MARCHF1: variants seen among roughly 807,000 people sequenced by gnomAD.
MARCHF1 encodes E3 ubiquitin-protein ligase MARCHF1.
MARCHF1 carries 40 observed loss-of-function variants against 54.2 expected under a neutral mutation model. The observed-to-expected ratio is 0.74, with a 90% CI of 0.57 to 0.96. The LOEUF (loss-of-function observed/expected upper bound fraction) is 0.96, where lower values mean the gene tolerates loss of function less well. MARCHF1 is among the 40% of genes least tolerant of loss of function. The pLI is 0.00. For synonymous variants in MARCHF1, 236 were observed against 236.3 expected (o/e 1.00, Z 0.01); for missense variants, 586 against 656.5 (o/e 0.89, Z 1.17).
intron 1 of MARCHF1, chr4:164,197,289 G>T (rs774334691): frequency 6.2e-7 from 1 of 1,611,668 alleles, no homozygotes; most frequent in Admixed American, 1.7e-5. Context: ...AACAGCTGTC[G>T]AGATATGTGA....
At chr4:163,736,951 T>A (rs1439049788) in intron 4 of MARCHF1, among the ~76,000 whole-genome samples, 1 of 152,094 alleles carries the variant, frequency 6.6e-6, no homozygotes, top group Non-Finnish European at 1.5e-5. Flanking sequence ...CTAATAAATT[T>A]ATGATGGCCC....
intron 5 of MARCHF1, among the ~76,000 whole-genome samples, chr4:163,697,743 CTA>C (rs1201968631): frequency 2.6e-5 from 4 of 152,172 alleles, no homozygotes; most frequent in South Asian, 4.2e-4. Context: ...ATGAGTAATA[CTA>C]TTACTGACAT....
intron 4 of MARCHF1, among the ~76,000 whole-genome samples, chr4:163,813,703 C>T (rs554733645): frequency 6.6e-6 from 1 of 152,222 alleles, no homozygotes; most frequent in South Asian, 2.1e-4. Context: ...AAATACTATA[C>T]ATCCTAGACA....
chr4:164,150,943 G>T (rs1200243808), intron 1 of MARCHF1, among the ~76,000 whole-genome samples: 1 of 152,160 alleles, frequency 6.6e-6, no homozygotes, highest in Non-Finnish European at 1.5e-5. Flanking sequence ...ATGGGAATAG[G>T]AGGGCAAAAG....
At chr4:163,559,235 C>A (rs1158616245) in intron 8 of MARCHF1, among the ~76,000 whole-genome samples, 1 of 151,236 alleles carries the variant, frequency 6.6e-6, no homozygotes, top group Non-Finnish European at 1.5e-5. Context: ...TTCATAATCT[C>A]ATTTGCAATG....
At chr4:164,359,267 G>C (rs376825174) in intron 1 of MARCHF1, among the ~76,000 whole-genome samples, 14 of 152,280 alleles carry the variant, frequency 9.2e-5, no homozygotes, top group African/African-American at 1.9e-4. Flanking sequence ...ATTCATGAAA[G>C]AATGTTTGGG....
chr4:163,754,733 T>G (rs1204447151), intron 4 of MARCHF1, among the ~76,000 whole-genome samples: 1 of 152,206 alleles, frequency 6.6e-6, no homozygotes, highest in Non-Finnish European at 1.5e-5. Context: ...AGACTCTTTT[T>G]TTTTTAGATA....
At chr4:164,206,736 A>T (rs930057749) in intron 1 of MARCHF1, among the ~76,000 whole-genome samples, 2 of 152,088 alleles carry the variant, frequency 1.3e-5, no homozygotes, top group Non-Finnish European at 2.9e-5. Flanking sequence ...AAGACTATAA[A>T]CCTAACTTTG....
intron 1 of MARCHF1, chr4:164,190,447 G>A (rs764762451): frequency 1.3e-5 from 5 of 398,226 alleles, no homozygotes; most frequent in South Asian, 5.8e-5. Flanking sequence ...TCACCTCAGA[G>A]TGGAGTTGAA....
In MARCHF1 at chr4:164,313,348, C is replaced by CAA. The variant is rs553280791; in HGVS notation, c.-323+70520_-323+70521dup. 6.9e-3 allele frequency among the ~76,000 whole-genome samples: 553 copies of CAA among 80,208 alleles called. 13 individuals are homozygous for CAA. Among genetic ancestry groups the CAA allele is most frequent in the African/African-American group, 0.023 (496 of 21,262 alleles). 52.6% of individuals were successfully genotyped at this position (80,208 alleles called of 152,430 possible). On this transcript the variant is annotated intron_variant, in intron 1 of 9. Coordinates refer to ENST00000514618, the MANE Select transcript of MARCHF1 (RefSeq NM_001394959.1). ...TGGGTGGCAGAGCAAGACTCTGTCT[C>CAA]AAAAAAAAAAAAAAAAAAAGTGTAG...
At chr4:164,084,408 A>G (rs1319387108) in intron 2 of MARCHF1, among the ~76,000 whole-genome samples, 1 of 151,920 alleles carries the variant, frequency 6.6e-6, no homozygotes, top group Non-Finnish European at 1.5e-5. Flanking sequence ...TAAATGAGGT[A>G]TATTTTAGAT....
At chr4:163,729,668 T>C (rs548006249) in intron 4 of MARCHF1, among the ~76,000 whole-genome samples, 1 of 152,234 alleles carries the variant, frequency 6.6e-6, no homozygotes, top group South Asian at 2.1e-4. Flanking sequence ...ATTCCTTTAT[T>C]AACTTTTTGA....
chr4:164,358,306 C>T (rs1042383159), intron 1 of MARCHF1, among the ~76,000 whole-genome samples: 2 of 152,114 alleles, frequency 1.3e-5, no homozygotes, highest in Non-Finnish European at 2.9e-5. Flanking sequence ...AAGCCTTGAA[C>T]TTGCCAATGT....
intron 1 of MARCHF1, among the ~76,000 whole-genome samples, chr4:164,368,526 T>G (rs930862709): frequency 6.6e-6 from 1 of 152,106 alleles, no homozygotes; most frequent in South Asian, 2.1e-4. Flanking sequence ...TATAACCTTA[T>G]TATCAAAGCT....
At chr4:164,374,628 A>C (rs1018093324) in intron 1 of MARCHF1, among the ~76,000 whole-genome samples, 2 of 152,124 alleles carry the variant, frequency 1.3e-5, no homozygotes, top group African/African-American at 4.8e-5. Flanking sequence ...GAACAAACCA[A>C]AAAGTATCAG....
chr4:164,154,982 C>A (rs1353039809), intron 1 of MARCHF1, among the ~76,000 whole-genome samples: 1 of 152,138 alleles, frequency 6.6e-6, no homozygotes, highest in Non-Finnish European at 1.5e-5. Flanking sequence ...GTTTGGCCAT[C>A]CAGCAGCTAA....
At chr4:163,854,595 G>A (rs968096670) in intron 3 of MARCHF1, among the ~76,000 whole-genome samples, 5 of 152,034 alleles carry the variant, frequency 3.3e-5, no homozygotes, top group Non-Finnish European at 7.4e-5. Flanking sequence ...TACAGAAGCC[G>A]AATAAATCGA....
chr4:164,210,984 A>G (rs548295191), intron 1 of MARCHF1, among the ~76,000 whole-genome samples: 2 of 152,224 alleles, frequency 1.3e-5, no homozygotes, highest in Non-Finnish European at 2.9e-5. Flanking sequence ...GATCTCATTT[A>G]TATGTGGAAT....
At chr4:164,341,055 G>A (rs1000928717) in intron 1 of MARCHF1, among the ~76,000 whole-genome samples, 3 of 151,790 alleles carry the variant, frequency 2.0e-5, no homozygotes, top group Admixed American at 6.6e-5. Flanking sequence ...TTTATCCCTG[G>A]GATGCAAGGA....
Sources: allele counts gnomAD v4.1 joint callset (sites outside exome capture counted in the v4.1 genomes callset), GRCh38; gene constraint gnomAD v4.1.1; transcripts MANE v1.5; gene names NCBI Gene and HGNC (gene_info 2026-07-23, HGNC 2026-07-21).